Variants in LDB2 observed in about 807,000 individuals in gnomAD.
LDB2 encodes the protein LIM domain-binding protein 2.
In LDB2, 12 loss-of-function variants were observed where a neutral mutation model predicts 44.3. The observed-to-expected ratio is 0.27, with a 90% CI of 0.17 to 0.44. LDB2 has a LOEUF of 0.44. Ranked by LOEUF, LDB2 falls within the 20% of genes least tolerant of loss-of-function variation. The probability of loss-of-function intolerance (pLI) is 1.00; values close to 1 mark genes in which losing one functional copy is unlikely to be tolerated. For synonymous variants in LDB2, 164 were observed against 174.8 expected (o/e 0.94, Z 0.49); for missense variants, 344 against 473.5 (o/e 0.73, Z 2.54).
intron 2 of LDB2, among the ~76,000 whole-genome samples, chr4:16,615,069 CA>C (rs71649971): frequency 2.6e-3 from 121 of 47,326 alleles, no homozygotes; most frequent in South Asian, 5.2e-3. Flanking sequence ...GACTCCGTCT[CA>C]AAAAAAAAAA....
chr4:16,554,050 A>AT (rs369728278), intron 5 of LDB2, among the ~76,000 whole-genome samples: 2,614 of 140,668 alleles, frequency 0.019, 27 homozygotes, highest in African/African-American at 0.023. Flanking sequence ...AATGGCCTGA[A>AT]TTTTTTTTTT....
At chr4:16,832,493 C>A (rs1195299040) in intron 1 of LDB2, among the ~76,000 whole-genome samples, 1 of 152,116 alleles carries the variant, frequency 6.6e-6, no homozygotes, top group Admixed American at 6.6e-5. Flanking sequence ...GGTTTATATT[C>A]CTTAAACTGA....
chr4:16,798,602 C>A (rs755589976), intron 1 of LDB2, among the ~76,000 whole-genome samples: 58 of 152,294 alleles, frequency 3.8e-4, no homozygotes, highest in Non-Finnish European at 6.8e-4. Flanking sequence ...GAAAATGCCC[C>A]CCACCTCCCT....
In LDB2 at chr4:16,531,340, A is replaced by G. The variant is rs550618334; in HGVS notation, c.616-19236T>C. 1.2e-4 allele frequency among the ~76,000 whole-genome samples: 19 copies of G among 152,308 alleles called. No individual in the cohort carries two copies. The South Asian group carries it at 3.7e-3, about 30-fold the overall frequency. ...CCCTGTCACCCTTGCTCCCAGCAGT[A>G]TCTTTCAGAAACAGGAAACAACAAT... On this transcript the variant is annotated intron_variant, in intron 5 of 7. Coordinates refer to ENST00000304523, the MANE Select transcript of LDB2 (RefSeq NM_001290.5).
intron 5 of LDB2, among the ~76,000 whole-genome samples, chr4:16,523,690 A>G (rs1727136397): frequency 6.6e-6 from 1 of 152,010 alleles, no homozygotes; most frequent in African/African-American, 2.4e-5. Context: ...TAATGGGTGG[A>G]TAGTGTAGAT....
intron 2 of LDB2, among the ~76,000 whole-genome samples, chr4:16,615,805 G>T (rs1399382427): frequency 6.6e-6 from 1 of 152,156 alleles, no homozygotes. Flanking sequence ...TCCTCCCAAG[G>T]CTCCTTAGGC....
intron 4 of LDB2, 39 bp from the exon 5 acceptor site, chr4:16,586,044 C>G: frequency 6.8e-7 from 1 of 1,478,058 alleles, no homozygotes; most frequent in Non-Finnish European, 9.5e-7. Context: ...TTTATCACTA[C>G]AGGACGGTCC....
intron 5 of LDB2, among the ~76,000 whole-genome samples, chr4:16,518,592 T>C (rs956644590): frequency 2.6e-5 from 4 of 152,174 alleles, no homozygotes; most frequent in South Asian, 2.1e-4. Flanking sequence ...TCTTACTGTC[T>C]ATAGCTGCTT....
At chr4:16,865,395 A>G (rs528389507) in intron 1 of LDB2, among the ~76,000 whole-genome samples, 1 of 152,240 alleles carries the variant, frequency 6.6e-6, no homozygotes, top group South Asian at 2.1e-4. Context: ...GGAAGGAAAA[A>G]TAAGCATGGG....
chr4:16,831,842 C>G (rs1784121485), intron 1 of LDB2, among the ~76,000 whole-genome samples: 1 of 152,064 alleles, frequency 6.6e-6, no homozygotes, highest in South Asian at 2.1e-4. Flanking sequence ...CTAGTGGGAG[C>G]TATGATTAAA....
intron 2 of LDB2, among the ~76,000 whole-genome samples, chr4:16,684,396 T>C (rs1306056532): frequency 6.6e-6 from 1 of 152,180 alleles, no homozygotes; most frequent in East Asian, 1.9e-4. Flanking sequence ...ACTGCAGTTA[T>C]TTCTGTCCAA....
At chr4:16,888,242 C>T (rs183019303) in intron 1 of LDB2, among the ~76,000 whole-genome samples, 3 of 152,226 alleles carry the variant, frequency 2.0e-5, no homozygotes, top group African/African-American at 7.2e-5. Context: ...CCCATTCAGA[C>T]AGCCCTGCAA....
chr4:16,756,472 A>G (rs1455327186), intron 2 of LDB2, among the ~76,000 whole-genome samples: 2 of 152,160 alleles, frequency 1.3e-5, no homozygotes, highest in East Asian at 1.9e-4. Flanking sequence ...AAAAAAGATC[A>G]GATCGTAACC....
intron 2 of LDB2, among the ~76,000 whole-genome samples, chr4:16,734,000 GAA>G (rs1279600880): frequency 6.6e-6 from 1 of 152,152 alleles, no homozygotes; most frequent in Non-Finnish European, 1.5e-5. Flanking sequence ...CTGACATAGG[GAA>G]AAGAGAACAG....
chr4:16,637,723 G>A (rs1451661022), intron 2 of LDB2, among the ~76,000 whole-genome samples: 3 of 152,108 alleles, frequency 2.0e-5, no homozygotes, highest in Admixed American at 2.0e-4. Flanking sequence ...TAATGTGGCA[G>A]GGACAACAGC....
chr4:16,802,587 C>T (rs897922872), intron 1 of LDB2, among the ~76,000 whole-genome samples: 1 of 152,150 alleles, frequency 6.6e-6, no homozygotes, highest in African/African-American at 2.4e-5. Context: ...AGAAGAGAAC[C>T]AGAGCTAAAT....
chr4:16,848,447 G>A (rs892299184), intron 1 of LDB2, among the ~76,000 whole-genome samples: 1 of 152,122 alleles, frequency 6.6e-6, no homozygotes, highest in African/African-American at 2.4e-5. Context: ...TGTATTCCAT[G>A]GGTTTCCAGA....
intron 2 of LDB2, among the ~76,000 whole-genome samples, chr4:16,602,696 C>T (rs1441893818): frequency 1.3e-5 from 2 of 151,902 alleles, no homozygotes; most frequent in East Asian, 1.9e-4. Flanking sequence ...TTTTTTCTTC[C>T]ACTTCTACCT....
At chr4:16,663,620 G>A (rs564880493) in intron 2 of LDB2, among the ~76,000 whole-genome samples, 14 of 152,330 alleles carry the variant, frequency 9.2e-5, no homozygotes, top group African/African-American at 2.9e-4. Context: ...CAAGATGGTA[G>A]CCTGTTTACG....
Sources: gnomAD v4.1 joint callset for allele counts (sites outside exome capture counted in the v4.1 genomes callset) on GRCh38, gnomAD v4.1.1 for gene constraint, MANE v1.5 for transcripts, NCBI Gene and HGNC (gene_info 2026-07-23, HGNC 2026-07-21) for gene names.